Variants in SORL1 observed in about 807,000 individuals in gnomAD.
SORL1 encodes sortilin-related receptor.
A neutral mutation model predicts 273.7 loss-of-function variants in SORL1; 127 were observed. The observed-to-expected ratio is 0.46, with a 90% CI of 0.40 to 0.54. The LOEUF is 0.54. Among genes scored for constraint, SORL1 ranks in the 20% least tolerant of loss-of-function variants. The pLI, the probability that SORL1 is intolerant of heterozygous loss-of-function variation, is 0.00. For missense variants in SORL1, 2,494 were observed against 2,846.1 expected (o/e 0.88, Z 2.81); for synonymous variants, 1,031 against 1,067.4 (o/e 0.97, Z 0.66).
At chr11:121,577,959 T>C (rs1862960821) in intron 25 of SORL1, among the ~76,000 whole-genome samples, 1 of 152,146 alleles carries the variant, frequency 6.6e-6, no homozygotes, top group South Asian at 2.1e-4. Context: ...TGGCCAGATA[T>C]ATTATGATGG....
chr11:121,589,872 A>G (rs1401415483), intron 29 of SORL1, among the ~76,000 whole-genome samples, 168 bp from the exon 30 acceptor site: 1 of 152,118 alleles, frequency 6.6e-6, no homozygotes, highest in East Asian at 1.9e-4. Flanking sequence ...TTTAGTTTGT[A>G]GGTGTATTTT....
At chr11:121,562,156 C>G (rs546442164) in intron 21 of SORL1, among the ~76,000 whole-genome samples, 1 of 152,266 alleles carries the variant, frequency 6.6e-6, no homozygotes, top group South Asian at 2.1e-4. Context: ...GCTAGCAAGT[C>G]AGATCAGTAG....
rs1863888008 is a variant in SORL1, at chr11:121,632,372, G to T, written c.*2809G>T. 6.6e-6 allele frequency: 1 copy of T among 152,134 alleles called. No homozygotes were observed. The highest frequency in any genetic ancestry group is 1.5e-5 in the Non-Finnish European group (1 of 68,044). 9.4% of individuals were successfully genotyped at this position (152,134 alleles called of 1,614,324 possible). On this transcript the variant is annotated 3_prime_UTR_variant, in exon 48 of 48. Coordinates refer to ENST00000260197, the MANE Select transcript of SORL1 (RefSeq NM_003105.6). ...ACAGAGGATTCCAGGAAGAGGCCATGTCTGTGCAGTCCTAGTTCCAGACAG... is the reference window on the plus strand; with the variant it reads ...ACAGAGGATTCCAGGAAGAGGCCATTTCTGTGCAGTCCTAGTTCCAGACAG...
intron 26 of SORL1, among the ~76,000 whole-genome samples, chr11:121,583,814 A>G (rs541481683): frequency 1.3e-5 from 2 of 152,384 alleles, no homozygotes; most frequent in African/African-American, 2.4e-5. Context: ...CACAAACTAT[A>G]TAAAATGCTG....
chr11:121,597,574 G>A (rs1863316792), intron 32 of SORL1, among the ~76,000 whole-genome samples: 1 of 151,630 alleles, frequency 6.6e-6, no homozygotes. Context: ...TGATTCTCTT[G>A]CCTCAGCCTC....
intron 11 of SORL1, among the ~76,000 whole-genome samples, chr11:121,527,882 A>G (rs1862146221): frequency 6.6e-6 from 1 of 151,994 alleles, no homozygotes; most frequent in Non-Finnish European, 1.5e-5. Context: ...TAGGTGTTTC[A>G]ATACTGTTGA....
intron 12 of SORL1, among the ~76,000 whole-genome samples, chr11:121,543,265 T>A: frequency 6.6e-6 from 1 of 152,126 alleles, no homozygotes; most frequent in Non-Finnish European, 1.5e-5. Context: ...GAGACCCATG[T>A]CCTATTTTCA....
At chr11:121,607,138 C>A in intron 36 of SORL1, 48 bp from the exon 37 acceptor site, 1 of 1,255,814 alleles carries the variant, frequency 8.0e-7, no homozygotes. Context: ...TTAGGATGCC[C>A]TGGACCTTTG....
chr11:121,550,609 T>C lies in SORL1; in HGVS notation c.2205T>C (p.Thr735=). Residue 735 remains threonine (T), a synonymous_variant, in exon 16 of 48, where the codon ACT becomes ACC. Transcript: ENST00000260197. This position sits in a 1 kb window ranked among gnomAD's most constrained non-coding sequence, Gnocchi z 5.3. ...GCTACCGGAAGATTTCTGGGGACAC[T>C]TGTAGCGGAGGAGATGTTGAAGCGC... is the stretch of plus-strand genomic sequence containing the variant. ...TRGYRKISGD[T]CSGGDVEARL... is the part of the protein sequence containing the mutation. 1.9e-6 allele frequency: 3 copies of C among 1,614,138 alleles called. No homozygotes were observed. Among genetic ancestry groups the C allele is most frequent in the Non-Finnish European group, 8.5e-7 (1 of 1,179,992 alleles).
chr11:121,551,012 A>G (rs1862500748), intron 16 of SORL1, among the ~76,000 whole-genome samples: 1 of 152,182 alleles, frequency 6.6e-6, no homozygotes, highest in Non-Finnish European at 1.5e-5. Context: ...GTTGAGTATA[A>G]AGAGGTGTGT....
intron 6 of SORL1, among the ~76,000 whole-genome samples, chr11:121,498,940 A>G (rs904898917): frequency 6.6e-6 from 1 of 151,880 alleles, no homozygotes; most frequent in East Asian, 1.9e-4. Flanking sequence ...TCTAACAGCT[A>G]TGTCTGTTCT....
rs916071846 is a variant in SORL1 at position 121,563,645 on chromosome 11, C to T, written c.3050-3295C>T. 1.3e-5 allele frequency among the ~76,000 whole-genome samples: 2 copies of T among 152,186 alleles called. No individual in the cohort carries two copies. The highest frequency in any genetic ancestry group is 2.9e-5 in the Non-Finnish European group (2 of 68,020). On this transcript the variant is annotated intron_variant, in intron 21 of 47. Coordinates refer to ENST00000260197, the MANE Select transcript of SORL1 (RefSeq NM_003105.6). The surrounding 1 kb of genome is among the most constrained non-coding windows in gnomAD (Gnocchi z 4.2). ...TCCTGAGCTCAGGCAATCTGCACGC[C>T]CCGGCCTCCCAAAGTGCTAGGATTT...
intron 33 of SORL1, 107 bp downstream of exon 33, chr11:121,604,431 G>T: frequency 7.2e-7 from 1 of 1,380,278 alleles, no homozygotes. Context: ...TTGAACTGTT[G>T]CTCAATCTAA....
chr11:121,528,242 G>A (rs531145424), intron 11 of SORL1, among the ~76,000 whole-genome samples: 3 of 152,274 alleles, frequency 2.0e-5, no homozygotes, highest in African/African-American at 4.8e-5. Context: ...ACCAAGGCAG[G>A]AGGATCACTT....
At position 121,452,563 on chromosome 11, in the gene SORL1, C is replaced by A; in HGVS notation, c.232C>A (p.Arg78=). The A allele has an allele frequency of 6.6e-7, 1 of 1,513,846 alleles. No individual in the cohort carries two copies. 93.8% of individuals were successfully genotyped at this position (1,513,846 alleles called of 1,614,324 possible). ...GASRADEKPL[R]RKRSAALQPE... ...GAGCCGCGCGGACGAGAAGCCGCTC[C>A]GGAGGAAACGGAGCGCTGCCCTGCA... Residue 78 remains arginine, a synonymous_variant, in exon 1 of 48, where the codon CGG becomes AGG. Transcript: ENST00000260197. The surrounding 1 kb of genome is among the most constrained non-coding windows in gnomAD (Gnocchi z 5.3).
chr11:121,621,288 C>G (rs770506092), intron 44 of SORL1, 50 bp downstream of exon 44: 2 of 1,524,322 alleles, frequency 1.3e-6, no homozygotes, highest in Non-Finnish European at 1.8e-6. Flanking sequence ...GCCCTCAGTG[C>G]TGTGCCGCTA....
At chr11:121,536,322 G>A (rs1027209190) in intron 12 of SORL1, among the ~76,000 whole-genome samples, 62 of 152,074 alleles carry the variant, frequency 4.1e-4, no homozygotes, top group Admixed American at 3.5e-3. Flanking sequence ...TGCTTGCAGC[G>A]CCTCTCAATG....
intron 26 of SORL1, among the ~76,000 whole-genome samples, chr11:121,585,287 C>A (rs1272520522): frequency 3.3e-5 from 5 of 152,050 alleles, no homozygotes; most frequent in Non-Finnish European, 7.4e-5. Context: ...AATTTGAGAT[C>A]AGCCTGGGCA....
chr11:121,532,520 C>T lies in SORL1; in HGVS notation c.1653C>T (p.Ala551=), dbSNP rs636588. ...GAGACCACGGCGGAATCATCACGGC[C>T]ATTGCCCAGGGCATGGAAACCAACG... ...TWGDHGGIIT[A]IAQGMETNEL... Residue 551 remains alanine, a synonymous_variant, in exon 12 of 48, where the codon GCC becomes GCT. Transcript: ENST00000260197. The T allele has an allele frequency of 2.8e-3, 4,505 of 1,614,096 alleles. 121 individuals are homozygous for T. The African/African-American group carries it at 0.053, about 19-fold the overall frequency.
Sources: allele counts gnomAD v4.1 joint callset (sites outside exome capture counted in the v4.1 genomes callset), GRCh38; gene constraint gnomAD v4.1.1; non-coding constraint Gnocchi (gnomAD v3.1); transcripts MANE v1.5; gene names NCBI Gene and HGNC (gene_info 2026-07-23, HGNC 2026-07-21).